The following NCS1 variants were observed in gnomAD, a reference collection of about 807,000 sequenced individuals.
NCS1 encodes the protein frequenin homolog.
In NCS1, 6 loss-of-function variants were observed where a neutral mutation model predicts 28.4. The observed-to-expected ratio is 0.21, with a 90% confidence interval of 0.12 to 0.42. The LOEUF is 0.42. NCS1 is among the 10% of genes least tolerant of loss of function. The probability of loss-of-function intolerance (pLI) is 1.00; values close to 1 mark genes in which losing one functional copy is unlikely to be tolerated. For synonymous variants in NCS1, 86 were observed against 99.3 expected, an observed-to-expected ratio of 0.87 and a Z score of 0.79; for missense variants, 131 against 241.4, an observed-to-expected ratio of 0.54 and a Z score of 3.03.
intron 2 of NCS1, among the ~76,000 whole-genome samples, chr9:130,204,593 G>T (rs1833000834): frequency 6.6e-6 from 1 of 152,208 alleles, no homozygotes; most frequent in Non-Finnish European, 1.5e-5. Context: ...CCGCCTCTGG[G>T]CTTGAATCCT....
rs182471461 is a variant in NCS1 at position 130,208,467 on chromosome 9, C to T, written c.89+7485C>T. On this transcript the variant is annotated intron_variant, in intron 2 of 7. Coordinates refer to ENST00000372398, the MANE Select transcript of NCS1 (RefSeq NM_014286.4). ...CTAATTTTTGTATTTTTAGTAGAGA[C>T]GGGGGTTTCACGTTGGCCAGGCTGG... is the stretch of plus-strand genomic sequence containing the variant. 3.3e-3 allele frequency among the ~76,000 whole-genome samples: 503 copies of T among 151,994 alleles called. 2 individuals are homozygous for T. Among genetic ancestry groups the T allele is most frequent in the African/African-American group, 0.011 (451 of 41,436 alleles).
intron 1 of NCS1, 88 bp downstream of exon 1, chr9:130,172,815 C>G (rs569269578): frequency 6.0e-6 from 4 of 666,740 alleles, no homozygotes; most frequent in East Asian, 4.2e-5. Flanking sequence ...GCGCGCTACC[C>G]GCTCCGCGCT....
Position 130,219,607 on chromosome 9 carries a change from A to C in NCS1, c.229-118A>C, listed in dbSNP as rs1430127555. 5 of 857,586 alleles carry C rather than the reference A, an allele frequency of 5.8e-6. No individual in the cohort carries two copies. In the African/African-American group the frequency reaches 8.5e-5, roughly 15 times the overall value. The allele number at this position is 857,586 out of a possible 1,614,324, so 53.1% of individuals were successfully genotyped here. A position where few individuals can be genotyped will look rare whatever the true frequency, so the allele number is the denominator to read the frequency against. ...CCTTCGAGCCTGCCCTCTCCACCTG[A>C]GTGTCCATTGGCCACAGTGTCTGGA... On this transcript the variant is annotated intron_variant, in intron 3 of 7. Coordinates refer to ENST00000372398, the MANE Select transcript of NCS1 (RefSeq NM_014286.4). The surrounding 1 kb of genome is among the most constrained non-coding windows in gnomAD (Gnocchi z 5.7).
In NCS1 at chr9:130,235,120, A is replaced by ACCCCCCCCC. The variant is rs5900889; in HGVS notation, c.*2155_*2156insCCCCCCCCC. The ACCCCCCCCC allele has an allele frequency of 2.7e-5, 4 of 148,498 alleles. No individual in the cohort carries two copies. Among genetic ancestry groups the ACCCCCCCCC allele is most frequent in the African/African-American group, 1.0e-4 (4 of 39,428 alleles). 9.2% of individuals were successfully genotyped at this position (148,498 alleles called of 1,614,324 possible). On this transcript the variant is annotated 3_prime_UTR_variant, in exon 8 of 8. Coordinates refer to ENST00000372398, the MANE Select transcript of NCS1 (RefSeq NM_014286.4). The stretch of plus-strand genomic sequence containing the variant: ...AGGACTGCACGCTGGCCCCACGGTA[A>ACCCCCCCCC]CCCCCCCTCCCCCACCAACATCCTG...
rs1418672891 is a variant in NCS1, at chr9:130,191,282, G to C, written c.65-9676G>C. On this transcript the variant is annotated intron_variant, in intron 1 of 7. Transcript: ENST00000372398. This position sits in a 1 kb window ranked among gnomAD's most constrained non-coding sequence, Gnocchi z 6.4. ...GGCCTCGGGCAGGAGAGCCAGGCCTGGGTGCAGAGCGGTGAAGAGCAGCTC... is the reference window on the plus strand; with the variant it reads ...GGCCTCGGGCAGGAGAGCCAGGCCTCGGTGCAGAGCGGTGAAGAGCAGCTC... 6.6e-6 allele frequency among the ~76,000 whole-genome samples: 1 copy of C among 152,130 alleles called. No homozygotes were observed. The highest frequency in any genetic ancestry group is 1.5e-5 in the Non-Finnish European group (1 of 68,012).
At chr9:130,218,019 G>GGT in intron 3 of NCS1, 49 bp downstream of exon 3, 1 of 1,611,934 alleles carries the variant, frequency 6.2e-7, no homozygotes, top group Admixed American at 1.7e-5. Flanking sequence ...AGCTCCTGTG[G>GGT]GTACCCGCAG....
intron 4 of NCS1, among the ~76,000 whole-genome samples, chr9:130,220,924 GCTCCTCTGGGTAACATCCCA>G (rs1262981464): frequency 2.2e-4 from 33 of 151,962 alleles, no homozygotes; most frequent in African/African-American, 7.5e-4. Flanking sequence ...GGAGAGGGGT[GCTCCTCTGGGTAACATCCCA>G]GGCCCCGGGC....
chr9:130,172,656 C>T lies in NCS1; in HGVS notation c.-8C>T, dbSNP rs1251512568. 6 of 1,467,476 alleles carry T rather than the reference C, an allele frequency of 4.1e-6. No homozygotes were observed. In the African/African-American group the frequency reaches 7.4e-5, roughly 18 times the overall value. 90.9% of individuals were successfully genotyped at this position (1,467,476 alleles called of 1,614,324 possible). ...GGCCCGGGGGGGCGGGGGCCGCGGCCGCCGAGGATGGGGAAATCCAACAGC... is the reference window on the plus strand; with the variant it reads ...GGCCCGGGGGGGCGGGGGCCGCGGCTGCCGAGGATGGGGAAATCCAACAGC... On this transcript the variant is annotated 5_prime_UTR_variant, in exon 1 of 8. Transcript: ENST00000372398.
intron 1 of NCS1, among the ~76,000 whole-genome samples, chr9:130,179,348 A>G (rs1302272906): frequency 1.3e-5 from 2 of 151,980 alleles, no homozygotes; most frequent in African/African-American, 4.8e-5. Flanking sequence ...TTAGAGCATG[A>G]TTTTTTTTCA....
At position 130,188,596 on chromosome 9, in the gene NCS1, C is replaced by T. The variant is rs140876467; in HGVS notation, c.65-12362C>T. 5.1e-3 allele frequency among the ~76,000 whole-genome samples: 775 copies of T among 151,494 alleles called. 9 individuals are homozygous for T. Among genetic ancestry groups the T allele is most frequent in the African/African-American group, 0.017 (714 of 41,262 alleles). On this transcript the variant is annotated intron_variant, in intron 1 of 7. Transcript: ENST00000372398. ...CCTAATTTTATATTTTTAGTAGAGA[C>T]GGGGTTTCTCCATGTTGGTCAGGCT... is the stretch of plus-strand genomic sequence containing the variant.
chr9:130,211,843 A>G (rs1409527171), intron 2 of NCS1, among the ~76,000 whole-genome samples: 1 of 152,160 alleles, frequency 6.6e-6, no homozygotes, highest in African/African-American at 2.4e-5. Flanking sequence ...AAGTCACTCA[A>G]ATCATTCCCA....
intron 2 of NCS1, among the ~76,000 whole-genome samples, chr9:130,208,227 G>A (rs1833054526): frequency 1.9e-5 from 2 of 107,626 alleles, no homozygotes; most frequent in Admixed American, 2.4e-4. Context: ...TGTGAGGTGG[G>A]GGTGGGGGGC....
chr9:130,185,099 G>C (rs1554905495), intron 1 of NCS1, among the ~76,000 whole-genome samples: 1 of 152,044 alleles, frequency 6.6e-6, no homozygotes, highest in Non-Finnish European at 1.5e-5. Flanking sequence ...ACCCATCCTC[G>C]TCCACACTCG....
intron 1 of NCS1, among the ~76,000 whole-genome samples, chr9:130,187,752 A>C (rs532914795): frequency 6.6e-6 from 1 of 151,572 alleles, no homozygotes; most frequent in South Asian, 2.1e-4. Flanking sequence ...GTCTCTCTTC[A>C]CCTCTCGCCT....
At position 130,177,099 on chromosome 9, in the gene NCS1, C is replaced by T. The variant is rs1554904714; in HGVS notation, c.64+4372C>T. ...AACCTTGACTCTCCTCTGCCTTTTC[C>T]CTAATGCCCAGAATGGTGCCGGCAC... On this transcript the variant is annotated intron_variant, in intron 1 of 7. Transcript: ENST00000372398. This position sits in a 1 kb window ranked among gnomAD's most constrained non-coding sequence, Gnocchi z 4.4. Among the ~76,000 whole-genome samples, 1 of 152,224 alleles carries T rather than the reference C, an allele frequency of 6.6e-6. No homozygotes were observed. Among genetic ancestry groups the T allele is most frequent in the East Asian group, 1.9e-4 (1 of 5,190 alleles).
intron 1 of NCS1, among the ~76,000 whole-genome samples, chr9:130,189,482 C>T (rs995838112): frequency 3.9e-5 from 6 of 152,192 alleles, no homozygotes; most frequent in Middle Eastern, 3.4e-3. Flanking sequence ...GTGCCGGGGT[C>T]GGCTCTGAAA....
intron 1 of NCS1, chr9:130,193,706 G>A (rs148804961): frequency 0.015 from 2,293 of 153,190 alleles, 35 homozygotes; most frequent in Non-Finnish European, 0.023. Flanking sequence ...AGCCGCCCCC[G>A]GAAAGCGTGT....
rs1218409101 is a variant in NCS1 at position 130,233,504 on chromosome 9, T to TC, written c.*533dup. ...GGTTCTGCCTGGTCAACGTTATTTG[T>TC]CGTCCCATCTTTTGGCAGCAAAACC... On this transcript the variant is annotated 3_prime_UTR_variant, in exon 8 of 8. Coordinates refer to ENST00000372398, the MANE Select transcript of NCS1 (RefSeq NM_014286.4). This position sits in a 1 kb window ranked among gnomAD's most constrained non-coding sequence, Gnocchi z 4.8. 5.9e-5 allele frequency: 9 copies of TC among 152,718 alleles called. No individual in the cohort carries two copies. The highest frequency in any genetic ancestry group is 2.2e-4 in the African/African-American group (9 of 41,574). The allele number at this position is 152,718 out of a possible 1,614,324, so 9.5% of individuals were successfully genotyped here. A position where few individuals can be genotyped will look rare whatever the true frequency, so the allele number is the denominator to read the frequency against.
At chr9:130,201,654 G>A (rs1832949179) in intron 2 of NCS1, among the ~76,000 whole-genome samples, 1 of 152,112 alleles carries the variant, frequency 6.6e-6, no homozygotes, top group Non-Finnish European at 1.5e-5. Context: ...GGGACATGAG[G>A]CAATGAGCTT....
Sources: allele counts gnomAD v4.1 joint callset (sites outside exome capture counted in the v4.1 genomes callset), GRCh38; gene constraint gnomAD v4.1.1; non-coding constraint Gnocchi (gnomAD v3.1); transcripts MANE v1.5; gene names NCBI Gene and HGNC (gene_info 2026-07-23, HGNC 2026-07-21).